PIK3C2G: variants seen among roughly 807,000 people sequenced by gnomAD.
PIK3C2G encodes the protein phosphatidylinositol 3-kinase C2 domain-containing subunit gamma.
PIK3C2G carries 168 observed loss-of-function variants against 181.1 expected under a neutral mutation model. That is an observed-to-expected ratio of 0.93 (90% confidence interval 0.82 to 1.05). The LOEUF is 1.05. Ranked by LOEUF, PIK3C2G falls within the 50% of genes least tolerant of loss-of-function variation. The pLI is 0.00. For missense variants in PIK3C2G, 1,869 were observed against 1,732.8 expected, an observed-to-expected ratio of 1.08 and a Z score of -1.40; for synonymous variants, 573 against 592.2, an observed-to-expected ratio of 0.97 and a Z score of 0.47.
At position 18,640,538 on chromosome 12, in the gene PIK3C2G, C is replaced by T. The variant is rs1949792656; in HGVS notation, c.4292C>T (p.Pro1431Leu). The change falls in exon 32 of 33, where the codon CCC becomes CTC. Residue 1431 changes from proline to leucine, a missense_variant. Transcript: ENST00000538779. ...AAATCTGTTCCAAAATGTACGGACC[C>T]CACTTACAATGAAATTGTAAGTATA... Reference protein sequence around the residue: ...KTKSVPKCTDPTYNEIVVYDE... With the variant: ...KTKSVPKCTDLTYNEIVVYDE... The T allele has an allele frequency of 1.9e-6, 3 of 1,598,608 alleles. No individual in the cohort carries two copies. The highest frequency in any genetic ancestry group is 2.6e-6 in the Non-Finnish European group (3 of 1,171,262).
At chr12:18,277,165 CCTAT>C (rs969904887) in intron 1 of PIK3C2G, among the ~76,000 whole-genome samples, 1 of 152,098 alleles carries the variant, frequency 6.6e-6, no homozygotes, top group African/African-American at 2.4e-5. Flanking sequence ...TATCTATCTA[CCTAT>C]CTGTCTATCT....
chr12:18,531,084 C>T (rs1411778196), intron 24 of PIK3C2G, among the ~76,000 whole-genome samples: 1 of 152,074 alleles, frequency 6.6e-6, no homozygotes, highest in Admixed American at 6.6e-5. Context: ...TGTAATGTAT[C>T]ATCACCCTCT....
intron 18 of PIK3C2G, among the ~76,000 whole-genome samples, chr12:18,483,012 G>A (rs2136028554): frequency 6.6e-6 from 1 of 152,210 alleles, no homozygotes; most frequent in South Asian, 2.1e-4. Context: ...TTGAAATATA[G>A]GATAACTATT....
chr12:18,399,181 C>T (rs1592158316), intron 15 of PIK3C2G, among the ~76,000 whole-genome samples: 2 of 113,546 alleles, frequency 1.8e-5, no homozygotes, highest in Non-Finnish European at 1.9e-5. Context: ...GGTGACAGAG[C>T]GAGACTCCGT....
chr12:18,272,071 G>A (rs778406032), intron 1 of PIK3C2G, among the ~76,000 whole-genome samples: 107 of 152,166 alleles, frequency 7.0e-4, no homozygotes, highest in Admixed American at 1.1e-3. Flanking sequence ...TATCACTTCT[G>A]TACTTTTCTA....
chr12:18,374,776 C>G (rs907238712), intron 13 of PIK3C2G, among the ~76,000 whole-genome samples: 3 of 152,040 alleles, frequency 2.0e-5, no homozygotes, highest in Non-Finnish European at 4.4e-5. Flanking sequence ...ATGACTTGGT[C>G]CTGTCCTCGA....
At chr12:18,253,984 A>C (rs979069455) in intron 1 of PIK3C2G, among the ~76,000 whole-genome samples, 1 of 150,384 alleles carries the variant, frequency 6.6e-6, no homozygotes, top group Non-Finnish European at 1.5e-5. Flanking sequence ...GCATTTTCTG[A>C]GGCTGCTCCA....
chr12:18,411,200 T>C (rs145439217), intron 16 of PIK3C2G, among the ~76,000 whole-genome samples: 39 of 152,342 alleles, frequency 2.6e-4, no homozygotes, highest in African/African-American at 9.4e-4. Context: ...AATCTTGTGA[T>C]TTTTGTATAA....
rs937704198 is a variant in PIK3C2G at position 18,589,500 on chromosome 12, G to A, written c.4012-4994G>A. On this transcript the variant is annotated intron_variant, in intron 29 of 32. Transcript: ENST00000538779. The stretch of plus-strand genomic sequence containing the variant: ...GAATTCCAGTGACCTAAGACCAGTA[G>A]GCAAGTGTGTTAACAAGAGGTAGAG... 5.3e-5 allele frequency among the ~76,000 whole-genome samples: 8 copies of A among 152,002 alleles called. No individual in the cohort carries two copies. The East Asian group carries it at 9.7e-4, about 18-fold the overall frequency.
At chr12:18,600,274 C>T (rs540213247) in intron 30 of PIK3C2G, among the ~76,000 whole-genome samples, 242 of 151,664 alleles carry the variant, frequency 1.6e-3, no homozygotes, top group African/African-American at 5.6e-3. Flanking sequence ...AACTAGAAGA[C>T]ACTTAGGTTT....
At chr12:18,451,289 C>T (rs1240657881) in intron 18 of PIK3C2G, among the ~76,000 whole-genome samples, 1 of 152,158 alleles carries the variant, frequency 6.6e-6, no homozygotes, top group African/African-American at 2.4e-5. Context: ...AGAGGTCCTT[C>T]ACATCCCTTG....
At chr12:18,375,104 T>A (rs1220217540) in intron 13 of PIK3C2G, among the ~76,000 whole-genome samples, 11 of 152,258 alleles carry the variant, frequency 7.2e-5, no homozygotes, top group African/African-American at 2.4e-4. Context: ...GGATGTGGCA[T>A]TAGAACTGGG....
the PIK3C2G span, among the ~76,000 whole-genome samples, chr12:18,719,897 A>G: frequency 2.0e-5 from 3 of 152,090 alleles, no homozygotes; most frequent in East Asian, 5.8e-4. Context: ...CAAGAAAAGT[A>G]CATATATTAT....
chr12:18,625,422 C>G (rs369564547), intron 31 of PIK3C2G, among the ~76,000 whole-genome samples: 196 of 151,802 alleles, frequency 1.3e-3, no homozygotes, highest in African/African-American at 4.5e-3. Context: ...TTTTCTAAGA[C>G]TTTTATTACG....
At chr12:18,537,717 CT>C (rs1943933361) in intron 24 of PIK3C2G, among the ~76,000 whole-genome samples, 1 of 151,880 alleles carries the variant, frequency 6.6e-6, no homozygotes, top group Non-Finnish European at 1.5e-5. Context: ...TTACCAGAAA[CT>C]TTTTTCCTAA....
At chr12:18,467,066 A>G (rs537626430) in intron 18 of PIK3C2G, among the ~76,000 whole-genome samples, 1 of 152,162 alleles carries the variant, frequency 6.6e-6, no homozygotes, top group East Asian at 1.9e-4. Context: ...AGAAGAATAA[A>G]TTCTAAATAA....
chr12:18,511,348 C>T (rs1023915683), intron 24 of PIK3C2G, among the ~76,000 whole-genome samples: 11 of 151,994 alleles, frequency 7.2e-5, no homozygotes, highest in South Asian at 4.1e-4. Flanking sequence ...TACCCAGGAG[C>T]GAGATTATTC....
At chr12:18,460,623 CATAT>C (rs144060852) in intron 18 of PIK3C2G, among the ~76,000 whole-genome samples, 3,426 of 136,096 alleles carry the variant, frequency 0.025, 213 homozygotes, top group Admixed American at 0.14. Flanking sequence ...ACATCATATT[CATAT>C]ATATATATAT....
intron 15 of PIK3C2G, among the ~76,000 whole-genome samples, chr12:18,398,479 C>A (rs1592156090): frequency 1.3e-5 from 2 of 152,094 alleles, no homozygotes; most frequent in South Asian, 4.1e-4. Flanking sequence ...GAAAGATAGA[C>A]CTTTAAAAGA....
Sources: allele counts gnomAD v4.1 joint callset (sites outside exome capture counted in the v4.1 genomes callset), GRCh38; gene constraint gnomAD v4.1.1; transcripts MANE v1.5; gene names NCBI Gene and HGNC (gene_info 2026-07-23, HGNC 2026-07-21).